Variants in SWAP70 observed in about 807,000 individuals in gnomAD.
SWAP70 encodes switch-associated protein 70.
SWAP70 carries 34 observed loss-of-function variants against 80.2 expected under a neutral mutation model. The observed-to-expected ratio is 0.42, with a 90% confidence interval of 0.32 to 0.56. The LOEUF is 0.56. SWAP70 is among the 20% of genes least tolerant of loss of function. The probability of loss-of-function intolerance (pLI) is 0.09; values close to 1 mark genes in which losing one functional copy is unlikely to be tolerated. For synonymous variants in SWAP70, 239 were observed against 238.5 expected (o/e 1.00, Z -0.02); for missense variants, 578 against 690.7 (o/e 0.84, Z 1.83).
chr11:9,688,261 T>C (rs1327628075), intron 1 of SWAP70, among the ~76,000 whole-genome samples: 1 of 152,236 alleles, frequency 6.6e-6, no homozygotes, highest in African/African-American at 2.4e-5. Context: ...CAATGTTGTA[T>C]AAGATATGGG....
At chr11:9,725,569 A>ATTTTTTTTTTTTTT (rs746391271) in intron 4 of SWAP70, among the ~76,000 whole-genome samples, 1 of 26,616 alleles carries the variant, frequency 3.8e-5, no homozygotes, top group Non-Finnish European at 6.5e-5. Context: ...ATATATATAT[A>ATTTTTTTTTTTTTT]TTTTTTTTTT....
At chr11:9,667,587 CA>C (rs1850324492) in intron 1 of SWAP70, among the ~76,000 whole-genome samples, 1 of 151,688 alleles carries the variant, frequency 6.6e-6, no homozygotes, top group African/African-American at 2.4e-5. Context: ...TTTTTGGAGA[CA>C]AGGTCTTTTT....
At chr11:9,672,195 C>CTATGTATATATATA (rs530619499) in intron 1 of SWAP70, among the ~76,000 whole-genome samples, 1,913 of 78,360 alleles carry the variant, frequency 0.024, 117 homozygotes, top group Middle Eastern at 0.059. Flanking sequence ...ATGTGTGTGT[C>CTATGTATATATATA]TATATATATA....
At chr11:9,744,517 C>A (rs911828992) in intron 9 of SWAP70, among the ~76,000 whole-genome samples, 2 of 152,172 alleles carry the variant, frequency 1.3e-5, no homozygotes, top group African/African-American at 2.4e-5. Flanking sequence ...GTCACCCTTT[C>A]TGCTATGAAG....
At chr11:9,728,690 A>C (rs1162212108) in intron 5 of SWAP70, among the ~76,000 whole-genome samples, 5 of 152,148 alleles carry the variant, frequency 3.3e-5, no homozygotes, top group Non-Finnish European at 7.4e-5. Context: ...CAAGAACATA[A>C]ATTTTTGAGT....
intron 2 of SWAP70, among the ~76,000 whole-genome samples, chr11:9,697,541 C>G (rs1044024582): frequency 6.6e-6 from 1 of 152,134 alleles, no homozygotes; most frequent in Non-Finnish European, 1.5e-5. Flanking sequence ...CCTCGGCCTC[C>G]CAAAGTGCTG....
intron 5 of SWAP70, 34 bp downstream of exon 5, chr11:9,728,233 C>G (rs1257173674): frequency 1.2e-5 from 18 of 1,539,332 alleles, no homozygotes; most frequent in Non-Finnish European, 1.4e-5. Flanking sequence ...CATGATTACC[C>G]CGTGCTGCCC....
rs1297446706 is a variant in SWAP70 at position 9,751,197 on chromosome 11, A to AAAT, written c.*1227_*1228insAAT. On this transcript the variant is annotated 3_prime_UTR_variant, in exon 12 of 12. Coordinates refer to ENST00000318950, the MANE Select transcript of SWAP70 (RefSeq NM_015055.4). The stretch of plus-strand genomic sequence containing the variant: ...AAAGATGATAGCATGTCAATATATT[A>AAAT]GCCTAGCCATTATGTTAGCCTTTGT... The AAAT allele has an allele frequency of 1.3e-5, 2 of 152,242 alleles. No homozygotes were observed. Among genetic ancestry groups the AAAT allele is most frequent in the Admixed American group, 6.5e-5 (1 of 15,290 alleles). 9.4% of individuals were successfully genotyped at this position (152,242 alleles called of 1,614,324 possible). A position where few individuals can be genotyped will look rare whatever the true frequency, so the allele number is the denominator to read the frequency against.
chr11:9,737,741 C>A (rs1851382027), intron 7 of SWAP70, among the ~76,000 whole-genome samples: 1 of 152,112 alleles, frequency 6.6e-6, no homozygotes, highest in African/African-American at 2.4e-5. Context: ...ACTAAAAATA[C>A]AAAAATTAGC....
rs1426249474 is a variant in SWAP70, at chr11:9,750,536, C to T, written c.*566C>T. 3.9e-5 allele frequency: 6 copies of T among 152,328 alleles called. No homozygotes were observed. The highest frequency in any genetic ancestry group is 1.4e-4 in the African/African-American group (6 of 41,420). 9.4% of individuals were successfully genotyped at this position (152,328 alleles called of 1,614,324 possible). A position where few individuals can be genotyped will look rare whatever the true frequency, so the allele number is the denominator to read the frequency against. ...TTGTTTACTCTTTCTTTGAAAACATCACCTTCTGAAATTTGTCTTTTAGCT... is the reference window on the plus strand; with the variant it reads ...TTGTTTACTCTTTCTTTGAAAACATTACCTTCTGAAATTTGTCTTTTAGCT... On this transcript the variant is annotated 3_prime_UTR_variant, in exon 12 of 12. Coordinates refer to ENST00000318950, the MANE Select transcript of SWAP70 (RefSeq NM_015055.4).
rs113361288 is a variant in SWAP70, at chr11:9,704,658, G to T, written c.241-8808G>T. 5.5e-4 allele frequency among the ~76,000 whole-genome samples: 84 copies of T among 152,268 alleles called. 1 individual carries two copies. The highest frequency in any genetic ancestry group is 1.7e-3 in the African/African-American group (71 of 41,560). ...TCTGCCTGCCTTGGACTCCCAAAGC[G>T]CTGAGATTGCAGGCATGAACCACTG... On this transcript the variant is annotated intron_variant, in intron 2 of 11. Coordinates refer to ENST00000318950, the MANE Select transcript of SWAP70 (RefSeq NM_015055.4).
At chr11:9,725,530 AATATATATATATATATATATAT>A (rs1211819180) in intron 4 of SWAP70, among the ~76,000 whole-genome samples, 6 of 60,576 alleles carry the variant, frequency 9.9e-5, no homozygotes, top group Non-Finnish European at 1.4e-4. Flanking sequence ...AAAAATACAA[AATATATATATATATATATATAT>A]ATATATATAT....
intron 1 of SWAP70, among the ~76,000 whole-genome samples, chr11:9,672,023 A>G (rs1590008184): frequency 8.4e-6 from 1 of 119,646 alleles, no homozygotes; most frequent in Non-Finnish European, 1.6e-5. Flanking sequence ...TTTTAATAAT[A>G]TATATTTTAA....
intron 1 of SWAP70, among the ~76,000 whole-genome samples, chr11:9,686,335 T>TTTTTCTTA: frequency 1.4e-5 from 1 of 72,876 alleles, no homozygotes; most frequent in East Asian, 4.1e-4. Flanking sequence ...TCGTATCCTC[T>TTTTTCTTA]TTTATTTTCT....
intron 1 of SWAP70, among the ~76,000 whole-genome samples, chr11:9,676,843 CG>C (rs1448558226): frequency 2.0e-5 from 3 of 151,742 alleles, no homozygotes; most frequent in Non-Finnish European, 2.9e-5. Flanking sequence ...TTAGCAGAGA[CG>C]GGGTGTCACC....
At chr11:9,721,304 AC>A (rs1307106543) in intron 3 of SWAP70, among the ~76,000 whole-genome samples, 1 of 152,186 alleles carries the variant, frequency 6.6e-6, no homozygotes, top group African/African-American at 2.4e-5. Flanking sequence ...CATATCTCCA[AC>A]AAGAGAAAGA....
chr11:9,670,974 C>T (rs1024729070), intron 1 of SWAP70, among the ~76,000 whole-genome samples: 1 of 150,162 alleles, frequency 6.7e-6, no homozygotes, highest in Admixed American at 6.7e-5. Context: ...AGGCTGGTCT[C>T]GAACTCCTGA....
At chr11:9,695,433 T>C (rs1850743671) in intron 2 of SWAP70, among the ~76,000 whole-genome samples, 1 of 152,160 alleles carries the variant, frequency 6.6e-6, no homozygotes, top group Non-Finnish European at 1.5e-5. Context: ...TGGAATACTA[T>C]GCTGCCCTAA....
In SWAP70 at chr11:9,751,651, A is replaced by G. The variant is rs1412727963; in HGVS notation, c.*1681A>G. Reference sequence around the variant, plus strand: ...CAAATAGATGTATACATCTAGAGAGAGTGGTATTAGAGATTCAGTGTATGT... The same window carrying G: ...CAAATAGATGTATACATCTAGAGAGGGTGGTATTAGAGATTCAGTGTATGT... On this transcript the variant is annotated 3_prime_UTR_variant, in exon 12 of 12. Coordinates refer to ENST00000318950, the MANE Select transcript of SWAP70 (RefSeq NM_015055.4). 1 of 151,486 alleles carries G rather than the reference A, an allele frequency of 6.6e-6. No individual in the cohort carries two copies. The highest frequency in any genetic ancestry group is 2.4e-5 in the African/African-American group (1 of 41,202). 9.4% of individuals were successfully genotyped at this position (151,486 alleles called of 1,614,324 possible).
Sources: allele counts gnomAD v4.1 joint callset (sites outside exome capture counted in the v4.1 genomes callset), GRCh38; gene constraint gnomAD v4.1.1; transcripts MANE v1.5; gene names NCBI Gene and HGNC (gene_info 2026-07-23, HGNC 2026-07-21).